BCL2: variants seen among roughly 807,000 people sequenced by gnomAD.
BCL2 encodes the protein BCL2 apoptosis regulator, also known as apoptosis regulator Bcl-2.
Under a neutral mutation model 14.2 loss-of-function variants are expected in BCL2, and 1 was observed. The observed-to-expected ratio is 0.07, with a 90% CI of 0.02 to 0.33. BCL2 has a LOEUF of 0.33. Among genes scored for constraint, BCL2 ranks in the 10% least tolerant of loss-of-function variants. The probability of loss-of-function intolerance (pLI) is 0.99; values close to 1 mark genes in which losing one functional copy is unlikely to be tolerated. For missense variants in BCL2, 247 were observed against 305.9 expected, an observed-to-expected ratio of 0.81 and a Z score of 1.44; for synonymous variants, 151 against 137.2, an observed-to-expected ratio of 1.10 and a Z score of -0.70.
At chr18:63,163,826 C>T (rs1265163890) in intron 2 of BCL2, among the ~76,000 whole-genome samples, 1 of 152,184 alleles carries the variant, frequency 6.6e-6, no homozygotes, top group East Asian at 1.9e-4. Context: ...GGAAGTTGTC[C>T]AAAGTCACAT....
chr18:63,185,196 C>T (rs531287598), intron 2 of BCL2, among the ~76,000 whole-genome samples: 7 of 152,204 alleles, frequency 4.6e-5, no homozygotes, highest in Non-Finnish European at 8.8e-5. Context: ...ATACAGCCCA[C>T]ACTGATCAAG....
intron 2 of BCL2, among the ~76,000 whole-genome samples, chr18:63,300,480 G>T (rs1207553181): frequency 1.3e-5 from 2 of 151,838 alleles, no homozygotes. Context: ...GTGTGTGTGT[G>T]TGTGTGTGTG....
At position 63,126,932 on chromosome 18, in the gene BCL2, A is replaced by G. The variant is rs777503643; in HGVS notation, c.*1693T>C. The G allele has an allele frequency of 7.5e-5, 17 of 226,828 alleles. No individual in the cohort carries two copies. Among genetic ancestry groups the G allele is most frequent in the South Asian group, 1.8e-4 (1 of 5,458 alleles). The allele number at this position is 226,828 out of a possible 1,614,324, so 14.1% of individuals were successfully genotyped here. On this transcript the variant is annotated 3_prime_UTR_variant, in exon 3 of 3. Transcript: ENST00000333681. ...ATAATGCCACAGAGTTATTCCATCA[A>G]TGTTTCAAGGCTGATTCTAAACTGG...
At chr18:63,254,397 A>AAAAG (rs1296737273) in intron 2 of BCL2, among the ~76,000 whole-genome samples, 1 of 148,434 alleles carries the variant, frequency 6.7e-6, no homozygotes, top group East Asian at 1.9e-4. Context: ...AAAAAAAAAA[A>AAAAG]AAAAAAAAAA....
intron 2 of BCL2, among the ~76,000 whole-genome samples, chr18:63,253,402 A>G (rs541398084): frequency 5.1e-4 from 77 of 152,332 alleles, no homozygotes; most frequent in African/African-American, 1.7e-3. Flanking sequence ...ATAATCAATC[A>G]TTTCCCATAT....
chr18:63,137,729 T>C (rs189993880), intron 2 of BCL2, among the ~76,000 whole-genome samples: 1 of 152,264 alleles, frequency 6.6e-6, no homozygotes, highest in East Asian at 1.9e-4. Context: ...GGAGTAGCAT[T>C]TTCCAAACTC....
At chr18:63,277,516 G>T (rs1912188671) in intron 2 of BCL2, among the ~76,000 whole-genome samples, 1 of 151,588 alleles carries the variant, frequency 6.6e-6, no homozygotes, top group East Asian at 1.9e-4. Context: ...TAATCCCAGT[G>T]CCTTGGGAGG....
At chr18:63,164,761 A>C (rs1915003024) in intron 2 of BCL2, among the ~76,000 whole-genome samples, 1 of 152,082 alleles carries the variant, frequency 6.6e-6, no homozygotes, top group Non-Finnish European at 1.5e-5. Context: ...AAATGAACTT[A>C]AGCCATGGCA....
chr18:63,317,380 G>A (rs1470236081), intron 2 of BCL2: 1 of 209,060 alleles, frequency 4.8e-6, no homozygotes. Flanking sequence ...TCACTGACAA[G>A]GTAGCAAAGC....
Position 63,126,092 on chromosome 18 carries a change from C to G in BCL2, c.*2533G>C, listed in dbSNP as rs1451752787. On this transcript the variant is annotated 3_prime_UTR_variant, in exon 3 of 3. Transcript: ENST00000333681. The stretch of plus-strand genomic sequence containing the variant: ...CATTAAAATGATTTTGGCAGGATAG[C>G]AGCACAGGATTGGATATTCCATATT... The G allele has an allele frequency of 9.3e-6, 2 of 216,206 alleles. No homozygotes were observed. The highest frequency in any genetic ancestry group is 2.3e-5 in the African/African-American group (1 of 44,306). The allele number at this position is 216,206 out of a possible 1,614,324, so 13.4% of individuals were successfully genotyped here. A position where few individuals can be genotyped will look rare whatever the true frequency, so the allele number is the denominator to read the frequency against.
At chr18:63,198,700 GACACACAGAGACACAC>G (rs1156454821) in intron 2 of BCL2, among the ~76,000 whole-genome samples, 10 of 37,926 alleles carry the variant, frequency 2.6e-4, no homozygotes, top group South Asian at 1.5e-3. Context: ...CACACACACT[GACACACAGAGACACAC>G]ACACACAGAC....
In BCL2 at chr18:63,142,838, A is replaced by G. The variant is rs575172629; in HGVS notation, c.586-14079T>C. On this transcript the variant is annotated intron_variant, in intron 2 of 2. Transcript: ENST00000333681. The stretch of plus-strand genomic sequence containing the variant: ...TTATGATTTAGTTCAGTTCACCTGG[A>G]AAGACTCAACATGAATAAAACCAGA... Among the ~76,000 whole-genome samples the G allele has an allele frequency of 2.0e-5, 3 of 152,348 alleles. No individual in the cohort carries two copies. The East Asian group carries it at 5.8e-4, about 29-fold the overall frequency.
Position 63,149,942 on chromosome 18 carries a change from C to T in BCL2, c.586-21183G>A, listed in dbSNP as rs1331002954. On this transcript the variant is annotated intron_variant, in intron 2 of 2. Coordinates refer to ENST00000333681, the MANE Select transcript of BCL2 (RefSeq NM_000633.3). The surrounding 1 kb of genome is among the most constrained non-coding windows in gnomAD (Gnocchi z 4.2). Reference sequence around the variant, plus strand: ...TTACCCAGGCTGGAGTGCAGTGGTGCGATCTCGGCTCACTGCAGCCTCTGC... The same window carrying T: ...TTACCCAGGCTGGAGTGCAGTGGTGTGATCTCGGCTCACTGCAGCCTCTGC... Among the ~76,000 whole-genome samples, 1 of 151,926 alleles carries T rather than the reference C, an allele frequency of 6.6e-6. No homozygotes were observed. The highest frequency in any genetic ancestry group is 2.4e-5 in the African/African-American group (1 of 41,356).
intron 2 of BCL2, among the ~76,000 whole-genome samples, chr18:63,167,160 G>A (rs531615807): frequency 1.6e-4 from 25 of 152,210 alleles, no homozygotes; most frequent in Middle Eastern, 3.4e-3. Flanking sequence ...CATTGCTAGG[G>A]GGTTGGCTGT....
At chr18:63,219,733 T>C (rs898308658) in intron 2 of BCL2, among the ~76,000 whole-genome samples, 1 of 152,188 alleles carries the variant, frequency 6.6e-6, no homozygotes, top group Non-Finnish European at 1.5e-5. Flanking sequence ...TGGCAGGAGA[T>C]GCAAGGGCAA....
At position 63,270,292 on chromosome 18, in the gene BCL2, T is replaced by C. The variant is rs140340459; in HGVS notation, c.585+47790A>G. Among the ~76,000 whole-genome samples the C allele has an allele frequency of 6.3e-3, 967 of 152,318 alleles. 9 individuals are homozygous for C. Among genetic ancestry groups the C allele is most frequent in the African/African-American group, 0.022 (932 of 41,566 alleles). ...AATAATGTGATACAGAGCTATTCAC[T>C]GAATCACTGTTCATCCTGGGAAAAA... is the stretch of plus-strand genomic sequence containing the variant. On this transcript the variant is annotated intron_variant, in intron 2 of 2. Coordinates refer to ENST00000333681, the MANE Select transcript of BCL2 (RefSeq NM_000633.3).
chr18:63,212,925 G>A (rs1244210592), intron 2 of BCL2, among the ~76,000 whole-genome samples: 2 of 152,158 alleles, frequency 1.3e-5, no homozygotes, highest in Non-Finnish European at 2.9e-5. Flanking sequence ...GAAAAAGTAG[G>A]AAAGAGACTG....
At chr18:63,298,294 A>T (rs1912858213) in intron 2 of BCL2, among the ~76,000 whole-genome samples, 1 of 152,208 alleles carries the variant, frequency 6.6e-6, no homozygotes, top group Non-Finnish European at 1.5e-5. Context: ...CCAGAACGGC[A>T]CACACACCTG....
At chr18:63,298,018 C>T (rs761485313) in intron 2 of BCL2, among the ~76,000 whole-genome samples, 15 of 152,080 alleles carry the variant, frequency 9.9e-5, no homozygotes, top group African/African-American at 4.8e-5. Flanking sequence ...GTTTCCAGGC[C>T]GGCACTCTCT....
Sources: gnomAD v4.1 joint callset for allele counts (sites outside exome capture counted in the v4.1 genomes callset) on GRCh38, gnomAD v4.1.1 for gene constraint, Gnocchi (gnomAD v3.1) non-coding constraint, MANE v1.5 for transcripts, NCBI Gene and HGNC (gene_info 2026-07-23, HGNC 2026-07-21) for gene names.